Variants in HTR1F observed in about 807,000 individuals in gnomAD.
HTR1F encodes 5-hydroxytryptamine (serotonin) receptor 1F, G protein-coupled.
A neutral mutation model predicts 24.0 loss-of-function variants in HTR1F; 17 were observed. The observed-to-expected ratio is 0.71, with a 90% CI of 0.48 to 1.06. The LOEUF is 1.06. Among genes scored for constraint, HTR1F ranks in the 50% least tolerant of loss-of-function variants. The pLI is 0.00. For synonymous variants in HTR1F, 186 were observed against 156.8 expected (o/e 1.19, Z -1.39); for missense variants, 391 against 427.8 (o/e 0.91, Z 0.76).
chr3:87,800,375 A>G (rs1250297392), intron 1 of HTR1F, among the ~76,000 whole-genome samples: 1 of 152,130 alleles, frequency 6.6e-6, no homozygotes, highest in African/African-American at 2.4e-5. Flanking sequence ...TTCTTCTCTC[A>G]GCTCTGAATA....
At chr3:87,799,793 T>C (rs1455948289) in intron 1 of HTR1F, among the ~76,000 whole-genome samples, 4 of 152,028 alleles carry the variant, frequency 2.6e-5, no homozygotes, top group African/African-American at 7.2e-5. Flanking sequence ...TCTAGCCCAA[T>C]CCTCCCTATT....
chr3:87,910,843 G>A (rs1478698915), intron 2 of HTR1F, among the ~76,000 whole-genome samples: 1 of 151,940 alleles, frequency 6.6e-6, no homozygotes, highest in Non-Finnish European at 1.5e-5. Flanking sequence ...CAAATACATG[G>A]AAATTAAACA....
intron 2 of HTR1F, among the ~76,000 whole-genome samples, chr3:87,917,181 A>G (rs186023579): frequency 6.6e-6 from 1 of 151,988 alleles, no homozygotes; most frequent in African/African-American, 2.4e-5. Context: ...TAGTGAGAAA[A>G]CCTATCAAAA....
Position 87,959,956 on chromosome 3 carries a change from A to G in HTR1F, c.-42-30752A>G, listed in dbSNP as rs148619756. Among the ~76,000 whole-genome samples, 31 of 152,126 alleles carry G rather than the reference A, an allele frequency of 2.0e-4. No individual in the cohort carries two copies. The East Asian group carries it at 5.8e-3, about 28-fold the overall frequency. On this transcript the variant is annotated intron_variant, in intron 2 of 2. Coordinates refer to ENST00000319595, the MANE Select transcript of HTR1F (RefSeq NM_001322209.2). ...GAAAAAATCCTTAAATTCAGCAGCT[A>G]TTCAAAAAGTTGGGCTTGTTGAATA...
chr3:87,927,276 A>C (rs1280397399), intron 2 of HTR1F, among the ~76,000 whole-genome samples: 2 of 152,240 alleles, frequency 1.3e-5, no homozygotes, highest in Non-Finnish European at 2.9e-5. Flanking sequence ...AGACTGTGAA[A>C]GAAAGGGAAA....
intron 2 of HTR1F, among the ~76,000 whole-genome samples, chr3:87,944,604 G>A (rs535363105): frequency 3.5e-4 from 53 of 152,350 alleles, no homozygotes; most frequent in African/African-American, 1.3e-3. Context: ...GCTGGGTTAA[G>A]GGAATTATCA....
At chr3:87,807,915 A>G (rs762524078) in intron 1 of HTR1F, among the ~76,000 whole-genome samples, 4 of 151,994 alleles carry the variant, frequency 2.6e-5, no homozygotes, top group Non-Finnish European at 5.9e-5. Flanking sequence ...GATGTGATGT[A>G]TATTGTTTAT....
At chr3:87,965,891 C>T (rs1705153544) in intron 2 of HTR1F, among the ~76,000 whole-genome samples, 1 of 152,182 alleles carries the variant, frequency 6.6e-6, no homozygotes, top group Non-Finnish European at 1.5e-5. Flanking sequence ...ACACTCCACC[C>T]TCTTCCCTTA....
chr3:87,949,700 C>A (rs1704791114), intron 2 of HTR1F, among the ~76,000 whole-genome samples: 1 of 152,156 alleles, frequency 6.6e-6, no homozygotes, highest in Non-Finnish European at 1.5e-5. Flanking sequence ...TTACATCACC[C>A]TTCCTGTAAC....
intron 2 of HTR1F, among the ~76,000 whole-genome samples, chr3:87,842,910 C>A (rs763120989): frequency 1.8e-4 from 27 of 151,862 alleles, no homozygotes; most frequent in South Asian, 1.5e-3. Context: ...ACAACAGACA[C>A]ACATTCAACT....
Position 87,991,144 on chromosome 3 carries a change from C to A in HTR1F, c.395C>A (p.Ala132Asp). ...YRAITDAVEY[A>D]RKRTPKHAGI... ...GCAATCACAGATGCTGTTGAGTATG[C>A]CAGGAAAAGGACTCCAAAGCATGCT... is the stretch of plus-strand genomic sequence containing the variant. Residue 132 changes from alanine to aspartate, a missense_variant, in exon 3 of 3, where the codon GCC becomes GAC. Physicochemically the swap from Ala to Asp is moderately radical, Grantham distance 126. Transcript: ENST00000319595. The A allele has an allele frequency of 1.2e-6, 2 of 1,613,908 alleles. No homozygotes were observed. Among genetic ancestry groups the A allele is most frequent in the Non-Finnish European group, 1.7e-6 (2 of 1,180,004 alleles).
At chr3:87,863,296 T>C (rs905834228) in intron 2 of HTR1F, among the ~76,000 whole-genome samples, 3 of 152,186 alleles carry the variant, frequency 2.0e-5, no homozygotes, top group Non-Finnish European at 4.4e-5. Flanking sequence ...TTTTAGTGTC[T>C]TGCAATCTGG....
At chr3:87,909,386 C>G (rs994831504) in intron 2 of HTR1F, among the ~76,000 whole-genome samples, 3 of 152,020 alleles carry the variant, frequency 2.0e-5, no homozygotes, top group Non-Finnish European at 4.4e-5. Context: ...TTCATGACCA[C>G]ATACACTTCC....
intron 2 of HTR1F, among the ~76,000 whole-genome samples, chr3:87,968,130 G>A (rs574988719): frequency 2.2e-4 from 34 of 152,300 alleles, no homozygotes; most frequent in African/African-American, 7.9e-4. Flanking sequence ...TTTTAACAAA[G>A]AGACTGGTGA....
chr3:87,874,837 T>A (rs918941209), intron 2 of HTR1F, among the ~76,000 whole-genome samples: 2 of 152,062 alleles, frequency 1.3e-5, no homozygotes, highest in Non-Finnish European at 2.9e-5. Context: ...CCCAGAAGTA[T>A]ATGGTTAAAT....
chr3:87,919,631 C>T (rs1703968591), intron 2 of HTR1F, among the ~76,000 whole-genome samples: 1 of 152,052 alleles, frequency 6.6e-6, no homozygotes, highest in African/African-American at 2.4e-5. Context: ...TTCAACATCA[C>T]TAATAATCAG....
chr3:87,876,696 G>C (rs1705679342), intron 2 of HTR1F, among the ~76,000 whole-genome samples: 1 of 152,222 alleles, frequency 6.6e-6, no homozygotes, highest in African/African-American at 2.4e-5. Context: ...GGGTAAGATA[G>C]GATTTATTGT....
intron 2 of HTR1F, among the ~76,000 whole-genome samples, chr3:87,980,166 C>T (rs552482758): frequency 2.0e-5 from 3 of 152,312 alleles, no homozygotes; most frequent in African/African-American, 4.8e-5. Flanking sequence ...ACATGGACAA[C>T]TGGAGAGTGA....
chr3:87,849,587 C>A (rs1705032965), intron 2 of HTR1F, among the ~76,000 whole-genome samples: 1 of 151,884 alleles, frequency 6.6e-6, no homozygotes, highest in African/African-American at 2.4e-5. Context: ...GCAATGGCAA[C>A]AAAAGACAAA....
Sources: gnomAD v4.1 joint callset for allele counts (sites outside exome capture counted in the v4.1 genomes callset) on GRCh38, gnomAD v4.1.1 for gene constraint, MANE v1.5 for transcripts, NCBI Gene and HGNC (gene_info 2026-07-23, HGNC 2026-07-21) for gene names.